VSIG4: variants seen among roughly 807,000 people sequenced by gnomAD.
VSIG4 encodes V-set and immunoglobulin domain-containing protein 4.
In VSIG4, 34 loss-of-function variants were observed where a neutral mutation model predicts 23.4. That is an observed-to-expected ratio of 1.45 (90% CI 1.10 to 1.93). VSIG4 has a LOEUF of 1.93. VSIG4 is among the 30% of genes most tolerant of loss of function. The probability of loss-of-function intolerance (pLI) is 0.00; values close to 1 mark genes in which losing one functional copy is unlikely to be tolerated. For synonymous variants in VSIG4, 169 were observed against 120.3 expected (o/e 1.41, Z -2.65); for missense variants, 433 against 310.8 (o/e 1.39, Z -2.96).
chrX:66,033,845 C>G lies in VSIG4; in HGVS notation c.56-15G>C, dbSNP rs751032742. The G allele has an allele frequency of 8.5e-7, 1 of 1,171,554 alleles. No individual in the cohort carries two copies. The highest frequency in any genetic ancestry group is 1.9e-5 in the South Asian group (1 of 52,738). On this transcript the variant is annotated splice_polypyrimidine_tract_variant and intron_variant, in intron 1 of 7. Transcript: ENST00000374737. ...GATGGGACGGCCTGAAGAGGCGGAA[C>G]AGAGGAAAGAAGCAAACGTAGATGG...
chrX:66,036,193 G>A (rs762327207), intron 1 of VSIG4, among the ~76,000 whole-genome samples: 2 of 108,079 alleles, frequency 1.9e-5, no homozygotes, highest in East Asian at 2.9e-4. Context: ...TTATGCTTCC[G>A]TTCCTTTTTT....
At chrX:66,027,780 G>A (rs746480934) in intron 4 of VSIG4, among the ~76,000 whole-genome samples, 7 of 112,537 alleles carry the variant, frequency 6.2e-5, no homozygotes, top group Non-Finnish European at 7.5e-5. Flanking sequence ...CAAACTAGGA[G>A]CAGAATAGAA....
chrX:66,038,000 C>A (rs1221326164), intron 1 of VSIG4, among the ~76,000 whole-genome samples: 1 of 110,172 alleles, frequency 9.1e-6, no homozygotes, highest in African/African-American at 3.3e-5. Flanking sequence ...TTTTCCATAT[C>A]TCTATCCCAT....
Position 66,039,977 on chromosome X carries a change from G to A in VSIG4, c.22C>T (p.Leu8=). 1.7e-6 allele frequency: 2 copies of A among 1,211,643 alleles called. No individual in the cohort carries two copies. Among genetic ancestry groups the A allele is most frequent in the Non-Finnish European group, 2.2e-6 (2 of 895,321 alleles). ...TCCACTGTTAGGTGCCCCAGGAGTAGCAGGCCCAGTAAGATCCCCATCACA... is the reference window on the plus strand; with the variant it reads ...TCCACTGTTAGGTGCCCCAGGAGTAACAGGCCCAGTAAGATCCCCATCACA... MGILLGL[L]LLGHLTVDTY... Residue 8 remains leucine (L), a synonymous_variant, in exon 1 of 8, where the codon CTA becomes TTA. Transcript: ENST00000374737.
chrX:66,023,805 T>C, intron 6 of VSIG4, among the ~76,000 whole-genome samples: 1 of 112,340 alleles, frequency 8.9e-6, no homozygotes. Flanking sequence ...TTGAATAGAA[T>C]GCTACATTTT....
rs993277733 is a variant in VSIG4 at position 66,021,743 on chromosome X, G to C, written c.*520C>G. ...GAAGACCAACACAACTGAAGTTGCT[G>C]TTATGATTAGATATTTATTGAGCAC... On this transcript the variant is annotated 3_prime_UTR_variant, in exon 8 of 8. Transcript: ENST00000374737. The C allele has an allele frequency of 1.4e-5, 3 of 208,574 alleles. No homozygotes were observed. Among genetic ancestry groups the C allele is most frequent in the African/African-American group, 5.8e-5 (2 of 34,517 alleles). 17.2% of individuals were successfully genotyped at this position (208,574 alleles called of 1,213,427 possible). A position where few individuals can be genotyped will look rare whatever the true frequency, so the allele number is the denominator to read the frequency against.
At chrX:66,039,474 C>T (rs1441085685) in intron 1 of VSIG4, among the ~76,000 whole-genome samples, 2 of 111,815 alleles carry the variant, frequency 1.8e-5, no homozygotes, top group African/African-American at 6.5e-5. Context: ...TTTCTGAGCA[C>T]TTATTCATGA....
intron 1 of VSIG4, among the ~76,000 whole-genome samples, chrX:66,036,954 A>G (rs2085576467): frequency 2.7e-5 from 1 of 36,679 alleles, no homozygotes; most frequent in South Asian, 1.9e-3. Flanking sequence ...GATATATTAT[A>G]TTATATTATA....
intron 1 of VSIG4, among the ~76,000 whole-genome samples, chrX:66,034,910 T>C (rs1212095003): frequency 9.0e-6 from 1 of 110,677 alleles, no homozygotes; most frequent in Non-Finnish European, 1.9e-5. Context: ...ATTTAGGCAA[T>C]ATATTCATGT....
chrX:66,038,734 C>T (rs1407619969), intron 1 of VSIG4, among the ~76,000 whole-genome samples: 1 of 110,826 alleles, frequency 9.0e-6, no homozygotes, highest in Non-Finnish European at 1.9e-5. Context: ...GGCTTGGGGG[C>T]AAATTATTTT....
intron 1 of VSIG4, among the ~76,000 whole-genome samples, chrX:66,036,965 T>A (rs1265777020): frequency 2.8e-5 from 1 of 35,175 alleles, no homozygotes; most frequent in African/African-American, 2.1e-4. Flanking sequence ...TTATATTATA[T>A]AATATATAAT....
intron 1 of VSIG4, among the ~76,000 whole-genome samples, chrX:66,037,069 TA>T (rs1457941183): frequency 1.6e-4 from 6 of 36,991 alleles, no homozygotes; most frequent in Non-Finnish European, 2.5e-4. Context: ...TATTATATAA[TA>T]ATATAATATA....
rs141882052 is a variant in VSIG4, at chrX:66,033,510, C to A, written c.376G>T (p.Val126Leu). Residue 126 changes from valine (V) to leucine (L), a missense_variant, in exon 2 of 8, where the codon GTG becomes TTG. Transcript: ENST00000374737. The stretch of plus-strand genomic sequence containing the variant: ...CGGAGCTCAGTAATCTTATCTCTCA[C>A]GACTTGGTTGCCATCAGGAGTCTGC... Reference protein sequence around the residue: ...TWQTPDGNQVVRDKITELRVQ... With the variant: ...TWQTPDGNQVLRDKITELRVQ... 1 of 1,208,651 alleles carries A rather than the reference C, an allele frequency of 8.3e-7. No homozygotes were observed. Among genetic ancestry groups the A allele is most frequent in the East Asian group, 3.0e-5 (1 of 33,750 alleles).
chrX:66,022,687 C>T (rs1157944354), intron 7 of VSIG4, 154 bp downstream of exon 7: 1 of 1,138,461 alleles, frequency 8.8e-7, no homozygotes. Flanking sequence ...TCAGAAGGTG[C>T]CTGAGAGAGG....
chrX:66,026,615 C>T (rs1277921118), intron 5 of VSIG4, among the ~76,000 whole-genome samples: 9 of 112,023 alleles, frequency 8.0e-5, no homozygotes, highest in Non-Finnish European at 1.1e-4. Flanking sequence ...CCAAAAAACT[C>T]TGCAATCAGG....
chrX:66,022,353 G>A lies in VSIG4; in HGVS notation c.1110C>T (p.Ile370=), dbSNP rs200163172. ...EPCIGQEYQI[I]AQINGNYARL... is the part of the protein sequence containing the mutation. ...GGGCGTAGTTGCCATTGATCTGGGC[G>A]ATGATCTGGTACTCCTGTCCTATGC... is the stretch of plus-strand genomic sequence containing the variant. Residue 370 remains isoleucine, a synonymous_variant, in exon 8 of 8, where the codon ATC becomes ATT. Coordinates refer to ENST00000374737, the MANE Select transcript of VSIG4 (RefSeq NM_007268.3). 326 of 1,211,128 alleles carry A rather than the reference G, an allele frequency of 2.7e-4. No individual in the cohort carries two copies. The highest frequency in any genetic ancestry group is 3.6e-4 in the Non-Finnish European group (321 of 895,418).
At chrX:66,033,242 T>A (rs184571484) in intron 2 of VSIG4, among the ~76,000 whole-genome samples, 42 of 111,099 alleles carry the variant, frequency 3.8e-4, no homozygotes, top group African/African-American at 1.3e-3. Context: ...TCTGGGACAC[T>A]CGAAGGGATA....
chrX:66,026,851 T>C (rs1329200167), intron 5 of VSIG4, among the ~76,000 whole-genome samples: 2 of 111,509 alleles, frequency 1.8e-5, no homozygotes, highest in Non-Finnish European at 3.8e-5. Flanking sequence ...CCCCAGGTAA[T>C]AATGGAGGGC....
chrX:66,023,621 A>C (rs1424838924), intron 6 of VSIG4, among the ~76,000 whole-genome samples: 4 of 112,352 alleles, frequency 3.6e-5, no homozygotes, highest in Non-Finnish European at 3.8e-5. Flanking sequence ...TTTTCATCTT[A>C]ATATGCTCAG....
Sources: gnomAD v4.1 joint callset for allele counts (sites outside exome capture counted in the v4.1 genomes callset) on GRCh38, gnomAD v4.1.1 for gene constraint, MANE v1.5 for transcripts, NCBI Gene and HGNC (gene_info 2026-07-23, HGNC 2026-07-21) for gene names.